Variants in CACNA1A observed in about 807,000 individuals in gnomAD.
CACNA1A encodes calcium voltage-gated channel subunit alpha1 A, also known as voltage-dependent P/Q-type calcium channel subunit alpha-1A.
CACNA1A carries 57 observed loss-of-function variants against 262.4 expected under a neutral mutation model. The observed-to-expected ratio is 0.22, with a 90% CI of 0.18 to 0.27. The LOEUF is 0.27. Among genes scored for constraint, CACNA1A ranks in the 10% least tolerant of loss-of-function variants. CACNA1A has a pLI of 1.00. For synonymous variants in CACNA1A, 1,431 were observed against 1,419.3 expected (o/e 1.01, Z -0.18); for missense variants, 2,526 against 3,562.8 (o/e 0.71, Z 7.41).
Position 13,317,269 on chromosome 19 carries a change from G to C in CACNA1A, c.1398C>G (p.Thr466=), listed in dbSNP as rs779429768. The C allele has an allele frequency of 6.2e-7, 1 of 1,612,774 alleles. No homozygotes were observed. The highest frequency in any genetic ancestry group is 8.5e-7 in the Non-Finnish European group (1 of 1,178,898). Residue 466 remains threonine, a synonymous_variant, in exon 11 of 47, where the codon ACC becomes ACG. Coordinates refer to ENST00000360228, the MANE Select transcript of CACNA1A (RefSeq NM_001127222.2). ...SIKSAKLENS[T]FFHKKERRMR... ...TCCTCCTCTCCTTTTTGTGAAAAAA[G>C]GTCGAGTTCTCCAGCTTGGCACTTT...
chr19:13,336,594 G>GGAGAGGGAGAGAGAGA (rs1555768096), intron 6 of CACNA1A, among the ~76,000 whole-genome samples: 53 of 65,494 alleles, frequency 8.1e-4, no homozygotes, highest in Middle Eastern at 0.011. Context: ...AGAGAGAGAG[G>GGAGAGGGAGAGAGAGA]GAGAGAGAGA....
chr19:13,425,931 G>A (rs992682668), intron 3 of CACNA1A, among the ~76,000 whole-genome samples: 2 of 152,148 alleles, frequency 1.3e-5, no homozygotes, highest in Non-Finnish European at 2.9e-5. Flanking sequence ...GGTGGCACAC[G>A]CCTGTAATCC....
chr19:13,289,614 G>A (rs190945266), intron 19 of CACNA1A, among the ~76,000 whole-genome samples: 1 of 152,260 alleles, frequency 6.6e-6, no homozygotes, highest in Non-Finnish European at 1.5e-5. Context: ...TCTCCAGTGA[G>A]TTACTTAGCC....
chr19:13,397,117 A>T lies in CACNA1A; in HGVS notation c.540-25338T>A, dbSNP rs112883341. 7.2e-3 allele frequency among the ~76,000 whole-genome samples: 1,091 copies of T among 152,084 alleles called. 12 individuals carry two copies. Among genetic ancestry groups the T allele is most frequent in the African/African-American group, 0.025 (1,019 of 41,464 alleles). On this transcript the variant is annotated intron_variant, in intron 3 of 46. Transcript: ENST00000360228. ...AATTCTTTTTCCTGTTAGGACCCTGATTGGTATGAGGTGGGAGGAATGAAT... is the reference window on the plus strand; with the variant it reads ...AATTCTTTTTCCTGTTAGGACCCTGTTTGGTATGAGGTGGGAGGAATGAAT...
chr19:13,460,902 T>C (rs2061109364), intron 1 of CACNA1A, among the ~76,000 whole-genome samples: 1 of 152,178 alleles, frequency 6.6e-6, no homozygotes, highest in Non-Finnish European at 1.5e-5. Context: ...AAGCATCTGC[T>C]ATTTTTTTCC....
Position 13,207,334 on chromosome 19 carries a change from C to A in CACNA1A, c.7500G>T (p.Glu2500Asp). 6.4e-7 allele frequency: 1 copy of A among 1,561,854 alleles called. No individual in the cohort carries two copies. Among genetic ancestry groups the A allele is most frequent in the East Asian group, 2.3e-5 (1 of 42,630 alleles). Residue 2500 changes from glutamate (E) to aspartate (D), a missense_variant, in exon 47 of 47, where the codon GAG (glutamate) becomes GAT (aspartate). Physicochemically the swap from Glu to Asp is conservative, Grantham distance 45. Coordinates refer to ENST00000360228, the MANE Select transcript of CACNA1A (RefSeq NM_001127222.2). This position sits in a 1 kb window ranked among gnomAD's most constrained non-coding sequence, Gnocchi z 5.7. Reference sequence around the variant, plus strand: ...GGGCTTAGCACCAATCATCGTCACTCTCGCTGTAGGGTTCGTGCAGGCCCT... The same window carrying A: ...GGGCTTAGCACCAATCATCGTCACTATCGCTGTAGGGTTCGTGCAGGCCCT... ...SRKGLHEPYS[E>D]SDDDWC
At chr19:13,420,599 G>A (rs1328600509) in intron 3 of CACNA1A, among the ~76,000 whole-genome samples, 4 of 152,128 alleles carry the variant, frequency 2.6e-5, no homozygotes, top group Non-Finnish European at 5.9e-5. Flanking sequence ...AAGAGGCAAG[G>A]AAGAATTCTT....
chr19:13,259,776 CAG>C (rs1401476521), intron 26 of CACNA1A, 75 bp from the exon 27 acceptor site: 7 of 1,534,060 alleles, frequency 4.6e-6, no homozygotes, highest in Middle Eastern at 1.8e-4. Context: ...TTATCAGAGA[CAG>C]GGGGAGGGAA....
intron 3 of CACNA1A, among the ~76,000 whole-genome samples, chr19:13,430,349 G>A (rs527657243): frequency 8.5e-5 from 13 of 152,208 alleles, no homozygotes; most frequent in African/African-American, 3.1e-4. Context: ...TAGGACTACA[G>A]GCGTGCAATG....
chr19:13,506,274 A>AGACGCCGCC lies in CACNA1A; in HGVS notation c.-59_-51dup, dbSNP rs1455266048. ...GTTACGCTGCGGCGAACGATGCGGA[A>AGACGCCGCC]GACGCCGCCGCCGCCGCCGCCGCCG... On this transcript the variant is annotated 5_prime_UTR_variant, in exon 1 of 47. Transcript: ENST00000360228. 1.5e-6 allele frequency: 2 copies of AGACGCCGCC among 1,371,676 alleles called. No individual in the cohort carries two copies. The highest frequency in any genetic ancestry group is 3.5e-5 in the Admixed American group (1 of 28,390). 85.0% of individuals were successfully genotyped at this position (1,371,676 alleles called of 1,614,324 possible).
chr19:13,347,051 TTTTTTTTG>T (rs1366719159), intron 6 of CACNA1A, among the ~76,000 whole-genome samples: 130 of 81,312 alleles, frequency 1.6e-3, no homozygotes, highest in Admixed American at 5.0e-3. Flanking sequence ...TTCAGGTCTG[TTTTTTTTG>T]TTTTTTTGTT....
chr19:13,229,070 G>A (rs1042793900), intron 36 of CACNA1A: 3 of 217,104 alleles, frequency 1.4e-5, no homozygotes, highest in Non-Finnish European at 2.7e-5. Context: ...GGTGGGGGGG[G>A]GCTTGTGGAA....
At chr19:13,453,132 T>G in intron 2 of CACNA1A, 117 bp from the exon 3 acceptor site, 2 of 1,012,736 alleles carry the variant, frequency 2.0e-6, no homozygotes, top group Non-Finnish European at 1.5e-6. Context: ...CTGACCCTCC[T>G]GCACTCACCA....
At chr19:13,419,453 C>T (rs2060280320) in intron 3 of CACNA1A, among the ~76,000 whole-genome samples, 1 of 151,324 alleles carries the variant, frequency 6.6e-6, no homozygotes, top group African/African-American at 2.4e-5. Context: ...AGGTGGGAGG[C>T]TCTTTTGAGC....
At chr19:13,403,464 T>G (rs2059945872) in intron 3 of CACNA1A, among the ~76,000 whole-genome samples, 1 of 152,158 alleles carries the variant, frequency 6.6e-6, no homozygotes, top group Non-Finnish European at 1.5e-5. Flanking sequence ...TCCCTGGGTC[T>G]AGGAGCTCCA....
intron 3 of CACNA1A, among the ~76,000 whole-genome samples, chr19:13,432,713 A>G (rs1437032394): frequency 6.6e-6 from 1 of 151,132 alleles, no homozygotes; most frequent in East Asian, 1.9e-4. Context: ...CAAAATTGCT[A>G]AAAGAGTAGA....
chr19:13,294,510 T>TTTTTTTG (rs2057620485), intron 19 of CACNA1A, among the ~76,000 whole-genome samples: 9 of 140,122 alleles, frequency 6.4e-5, no homozygotes, highest in African/African-American at 7.8e-5. Flanking sequence ...TTTTTTTTTT[T>TTTTTTTG]GAGACAGAGT....
At chr19:13,232,196 C>T (rs1247942675) in intron 34 of CACNA1A, among the ~76,000 whole-genome samples, 1 of 150,878 alleles carries the variant, frequency 6.6e-6, no homozygotes, top group African/African-American at 2.4e-5. Flanking sequence ...TCTTTTCTCT[C>T]TCTCTCTCTT....
chr19:13,228,611 T>G (rs1264087920), intron 36 of CACNA1A: 26 of 285,158 alleles, frequency 9.1e-5, no homozygotes, highest in Non-Finnish European at 1.5e-4. Context: ...GAGAGATATA[T>G]ATATATATAT....
Sources: allele counts gnomAD v4.1 joint callset (sites outside exome capture counted in the v4.1 genomes callset), GRCh38; gene constraint gnomAD v4.1.1; non-coding constraint Gnocchi (gnomAD v3.1); transcripts MANE v1.5; gene names NCBI Gene and HGNC (gene_info 2026-07-23, HGNC 2026-07-21).